Variants in DSC2 observed in about 807,000 individuals in gnomAD.
DSC2 encodes desmocollin-2.
DSC2 carries 51 observed loss-of-function variants against 87.6 expected under a neutral mutation model. The ratio of observed to expected loss-of-function variants is 0.58; its 90% CI spans 0.46 to 0.74. The LOEUF is 0.74. Ranked by LOEUF, DSC2 falls within the 30% of genes least tolerant of loss-of-function variation. The pLI, the probability that DSC2 is intolerant of heterozygous loss-of-function variation, is 0.00. For synonymous variants in DSC2, 383 were observed against 393.2 expected, an observed-to-expected ratio of 0.97 and a Z score of 0.31; for missense variants, 1,066 against 1,089.5, an observed-to-expected ratio of 0.98 and a Z score of 0.30.
intron 11 of DSC2, among the ~76,000 whole-genome samples, chr18:31,077,777 G>A (rs1987071959): frequency 1.3e-5 from 2 of 152,112 alleles, no homozygotes; most frequent in South Asian, 4.2e-4. Context: ...TTATGTGCAT[G>A]ATGCTCTTCA....
chr18:31,086,513 G>A, intron 7 of DSC2, 63 bp downstream of exon 7: 2 of 1,578,582 alleles, frequency 1.3e-6, no homozygotes, highest in Admixed American at 1.7e-5. Context: ...CACATCTACA[G>A]GAGTTATACA....
intron 1 of DSC2, among the ~76,000 whole-genome samples, chr18:31,100,350 C>T (rs772352520): frequency 6.6e-6 from 1 of 152,192 alleles, no homozygotes; most frequent in Non-Finnish European, 1.5e-5. Flanking sequence ...CAGAGCAATG[C>T]CACGCATTGC....
At chr18:31,075,044 C>A in intron 11 of DSC2, 137 bp from the exon 12 acceptor site, 3 of 901,536 alleles carry the variant, frequency 3.3e-6, no homozygotes. Flanking sequence ...CAAGCTATGT[C>A]CTCAGGGAAT....
intron 7 of DSC2, among the ~76,000 whole-genome samples, chr18:31,085,128 A>T (rs1239662317): frequency 6.6e-6 from 1 of 152,100 alleles, no homozygotes; most frequent in Non-Finnish European, 1.5e-5. Context: ...GTATTCATGT[A>T]GTATCAAGGA....
intron 12 of DSC2, among the ~76,000 whole-genome samples, 195 bp from the exon 13 acceptor site, chr18:31,072,036 T>G (rs1404266333): frequency 1.3e-5 from 2 of 152,244 alleles, no homozygotes; most frequent in Non-Finnish European, 2.9e-5. Context: ...ATATTACATA[T>G]AAAAGTTTGT....
In DSC2 at chr18:31,067,809, T is replaced by C; in HGVS notation, c.*206A>G. On this transcript the variant is annotated 3_prime_UTR_variant, in exon 16 of 16. Transcript: ENST00000280904. ...TAGACCTCCTTGGATAGAAGATAAG[T>C]AATTTAAAAATATGTAAAAATTGAA... 1 of 562,762 alleles carries C rather than the reference T, an allele frequency of 1.8e-6. No individual in the cohort carries two copies. The highest frequency in any genetic ancestry group is 2.2e-5 in the South Asian group (1 of 46,348). 34.9% of individuals were successfully genotyped at this position (562,762 alleles called of 1,614,324 possible). A position where few individuals can be genotyped will look rare whatever the true frequency, so the allele number is the denominator to read the frequency against.
chr18:31,068,055 G>T lies in DSC2; in HGVS notation c.2666C>A (p.Pro889His), dbSNP rs2144780689. 6.2e-7 allele frequency: 1 copy of T among 1,613,496 alleles called. No homozygotes were observed. The highest frequency in any genetic ancestry group is 8.5e-7 in the Non-Finnish European group (1 of 1,179,908). The change falls in exon 16 of 16, where the codon CCC becomes CAC. Residue 889 changes from proline to histidine, a missense_variant. Physicochemically the swap from Pro to His is moderately conservative, Grantham distance 77. Transcript: ENST00000280904. Reference protein sequence around the residue: ...DGLEFLDNLEPKFRTLAEACM... With the variant: ...DGLEFLDNLEHKFRTLAEACM... ...TGCTTCTGCTAGTGTCCTAAATTTGGGCTCCAAATTATCCAAAAATTCAAG... is the reference window on the plus strand; with the variant it reads ...TGCTTCTGCTAGTGTCCTAAATTTGTGCTCCAAATTATCCAAAAATTCAAG...
chr18:31,075,740 C>T (rs1269732622), intron 11 of DSC2, among the ~76,000 whole-genome samples: 1 of 152,112 alleles, frequency 6.6e-6, no homozygotes, highest in Non-Finnish European at 1.5e-5. Context: ...ATATCAGCTA[C>T]TCGGGAGGTT....
At position 31,086,490 on chromosome 18, in the gene DSC2, T is replaced by C. The variant is rs186734955; in HGVS notation, c.942+86A>G. The C allele has an allele frequency of 1.2e-5, 17 of 1,476,766 alleles. No homozygotes were observed. In the East Asian group the frequency reaches 2.0e-4, roughly 18 times the overall value. 91.5% of individuals were successfully genotyped at this position (1,476,766 alleles called of 1,614,324 possible). A position where few individuals can be genotyped will look rare whatever the true frequency, so the allele number is the denominator to read the frequency against. On this transcript the variant is annotated intron_variant, in intron 7 of 15. Transcript: ENST00000280904. ...TGTTTCTAAAATGAGATTCACAACA[T>C]ACTTTTCAAAAACACATCTACAGGA...
chr18:31,098,498 A>G (rs1469269276), intron 1 of DSC2, among the ~76,000 whole-genome samples: 1 of 152,068 alleles, frequency 6.6e-6, no homozygotes, highest in Admixed American at 6.6e-5. Context: ...TCTGTTGTCC[A>G]GGCCGGAGTG....
At chr18:31,100,915 T>G (rs1006867293) in intron 1 of DSC2, among the ~76,000 whole-genome samples, 1 of 152,082 alleles carries the variant, frequency 6.6e-6, no homozygotes, top group African/African-American at 2.4e-5. Flanking sequence ...CGGCATTGGC[T>G]TTTTGCGTCT....
chr18:31,093,447 A>C, intron 2 of DSC2, 112 bp downstream of exon 2: 1 of 749,924 alleles, frequency 1.3e-6, no homozygotes, highest in African/African-American at 1.8e-5. Context: ...AGCTCCATCC[A>C]CATCCCTTCC....
At position 31,102,067 on chromosome 18, in the gene DSC2, C is replaced by T; in HGVS notation, c.-96G>A. ...GCGGCCGGAGCGCAGTCTGGGCCCGCTGCTCAGGAGGAGCGCGAGGCGGAG... is the reference window on the plus strand; with the variant it reads ...GCGGCCGGAGCGCAGTCTGGGCCCGTTGCTCAGGAGGAGCGCGAGGCGGAG... On this transcript the variant is annotated 5_prime_UTR_variant, in exon 1 of 16. Transcript: ENST00000280904. 1 of 1,125,406 alleles carries T rather than the reference C, an allele frequency of 8.9e-7. No individual in the cohort carries two copies. Among genetic ancestry groups the T allele is most frequent in the Non-Finnish European group, 1.2e-6 (1 of 850,294 alleles). The allele number at this position is 1,125,406 out of a possible 1,614,324, so 69.7% of individuals were successfully genotyped here.
rs1285020182 is a variant in DSC2 at position 31,062,713 on chromosome 18, T to G, written c.*5302A>C. 6.6e-6 allele frequency: 1 copy of G among 152,204 alleles called. No homozygotes were observed. Among genetic ancestry groups the G allele is most frequent in the Non-Finnish European group, 1.5e-5 (1 of 68,044 alleles). The allele number at this position is 152,204 out of a possible 1,614,324, so 9.4% of individuals were successfully genotyped here. ...TTATTGGTGGCTACAAGTAGGTTCG[T>G]GCAATTATTGGTGGTAGGATTTGAG... On this transcript the variant is annotated 3_prime_UTR_variant, in exon 16 of 16. Transcript: ENST00000280904.
chr18:31,075,940 G>C (rs961436547), intron 11 of DSC2, among the ~76,000 whole-genome samples: 2 of 152,104 alleles, frequency 1.3e-5, no homozygotes, highest in East Asian at 3.9e-4. Flanking sequence ...TGGAAAATCT[G>C]GGGGATTCAA....
chr18:31,079,116 T>G (rs1987117101), intron 11 of DSC2, among the ~76,000 whole-genome samples: 1 of 152,176 alleles, frequency 6.6e-6, no homozygotes, highest in African/African-American at 2.4e-5. Context: ...AGAGCTGTTT[T>G]CCAGGACTGC....
At chr18:31,090,151 G>C (rs991867473) in intron 4 of DSC2, among the ~76,000 whole-genome samples, 1 of 151,958 alleles carries the variant, frequency 6.6e-6, no homozygotes, top group Non-Finnish European at 1.5e-5. Context: ...TCCTTGATTC[G>C]AAAAGCAAAT....
chr18:31,080,218 A>T lies in DSC2; in HGVS notation c.1398T>A (p.Asp466Glu). 1 of 1,614,090 alleles carries T rather than the reference A, an allele frequency of 6.2e-7. No homozygotes were observed. The highest frequency in any genetic ancestry group is 8.5e-7 in the Non-Finnish European group (1 of 1,180,010). The change falls in exon 10 of 16, where the codon GAT becomes GAA. Residue 466 changes from aspartate (D) to glutamate (E), a missense_variant. Physicochemically the swap from Asp to Glu is conservative, Grantham distance 45. Coordinates refer to ENST00000280904, the MANE Select transcript of DSC2 (RefSeq NM_024422.6). Reference protein sequence around the residue: ...ATVTVNVEDQDEGPECNPPIQ... With the variant: ...ATVTVNVEDQEEGPECNPPIQ... ...TTGGAGGGTTACACTCAGGGCCCTC[A>T]TCCTGATCTTCTACATTAACAGTAA...
At chr18:31,095,909 T>G (rs1442735086) in intron 1 of DSC2, among the ~76,000 whole-genome samples, 1 of 151,722 alleles carries the variant, frequency 6.6e-6, no homozygotes, top group East Asian at 2.0e-4. Flanking sequence ...AACAGAAGAA[T>G]GGCATATGTG....
Sources: gnomAD v4.1 joint callset for allele counts (sites outside exome capture counted in the v4.1 genomes callset) on GRCh38, gnomAD v4.1.1 for gene constraint, MANE v1.5 for transcripts, NCBI Gene and HGNC (gene_info 2026-07-23, HGNC 2026-07-21) for gene names.